HCN1: variants seen among roughly 807,000 people sequenced by gnomAD.
HCN1 encodes the protein hyperpolarization activated cyclic nucleotide gated potassium channel 1.
In HCN1, 13 loss-of-function variants were observed where a neutral mutation model predicts 78.9. That is an observed-to-expected ratio of 0.16 (90% CI 0.11 to 0.26). HCN1 has a LOEUF of 0.26. Ranked by LOEUF, HCN1 falls within the 10% of genes least tolerant of loss-of-function variation. The pLI, the probability that HCN1 is intolerant of heterozygous loss-of-function variation, is 1.00. For missense variants in HCN1, 810 were observed against 1,154.3 expected (o/e 0.70, Z 4.32); for synonymous variants, 552 against 455.5 (o/e 1.21, Z -2.70).
chr5:45,576,413 CA>C (rs1743946092), intron 2 of HCN1: 1 of 152,030 alleles, frequency 6.6e-6, no homozygotes, highest in Non-Finnish European at 1.5e-5. Context: ...TGTAAAATGC[CA>C]TGAAATAGCA....
rs972135282 is a variant in HCN1, at chr5:45,307,842, A to G, written c.1378-4003T>C. 2.0e-5 allele frequency among the ~76,000 whole-genome samples: 3 copies of G among 152,154 alleles called. No homozygotes were observed. The East Asian group carries it at 5.8e-4, about 29-fold the overall frequency. On this transcript the variant is annotated intron_variant, in intron 5 of 7. Coordinates refer to ENST00000303230, the MANE Select transcript of HCN1 (RefSeq NM_021072.4). ...TCAATATTGAGTCATAACTGTAGTT[A>G]TTACAAATGTAGCATACTAATGTAA...
intron 2 of HCN1, among the ~76,000 whole-genome samples, chr5:45,574,072 T>A (rs1035558901): frequency 6.6e-6 from 1 of 152,122 alleles, no homozygotes; most frequent in Non-Finnish European, 1.5e-5. Flanking sequence ...ATATGAATCA[T>A]AAAATTTTAT....
chr5:45,273,540 C>T (rs1174755003), intron 6 of HCN1, among the ~76,000 whole-genome samples: 1 of 152,078 alleles, frequency 6.6e-6, no homozygotes, highest in African/African-American at 2.4e-5. Context: ...CTTGACATTG[C>T]TGTGACACAG....
intron 6 of HCN1, among the ~76,000 whole-genome samples, chr5:45,280,964 C>A (rs1029231614): frequency 6.0e-5 from 9 of 151,246 alleles, no homozygotes; most frequent in Admixed American, 6.6e-5. Flanking sequence ...GTTTAATTAA[C>A]CAGGATAAAA....
At chr5:45,343,642 G>C (rs996627019) in intron 5 of HCN1, among the ~76,000 whole-genome samples, 1 of 152,062 alleles carries the variant, frequency 6.6e-6, no homozygotes, top group Non-Finnish European at 1.5e-5. Context: ...AATGATGGAA[G>C]AAAAATGACT....
chr5:45,566,312 C>A (rs1743705948), intron 2 of HCN1, among the ~76,000 whole-genome samples: 1 of 151,980 alleles, frequency 6.6e-6, no homozygotes, highest in African/African-American at 2.4e-5. Flanking sequence ...AAAATAATAT[C>A]ACTTTCTTGT....
At chr5:45,340,744 T>A (rs1297076635) in intron 5 of HCN1, among the ~76,000 whole-genome samples, 1 of 152,174 alleles carries the variant, frequency 6.6e-6, no homozygotes, top group Admixed American at 6.5e-5. Context: ...ATTTTCTTTA[T>A]CAAAATAAAC....
At chr5:45,637,825 G>A (rs570749945) in intron 2 of HCN1, among the ~76,000 whole-genome samples, 6 of 152,164 alleles carry the variant, frequency 3.9e-5, no homozygotes, top group African/African-American at 1.4e-4. Context: ...AGTTTGGCCA[G>A]AAACAAATTT....
At chr5:45,389,871 GAC>G (rs759149613) in intron 4 of HCN1, among the ~76,000 whole-genome samples, 1 of 152,224 alleles carries the variant, frequency 6.6e-6, no homozygotes, top group Non-Finnish European at 1.5e-5. Context: ...TTTTCTAAAA[GAC>G]AATTTTAATT....
At chr5:45,297,023 T>C (rs1453459700) in intron 6 of HCN1, among the ~76,000 whole-genome samples, 1 of 151,886 alleles carries the variant, frequency 6.6e-6, no homozygotes, top group South Asian at 2.1e-4. Context: ...CACAGAAATA[T>C]AGAGGTGTGA....
intron 2 of HCN1, among the ~76,000 whole-genome samples, chr5:45,587,065 A>T (rs1744245046): frequency 6.6e-6 from 1 of 152,202 alleles, no homozygotes; most frequent in Non-Finnish European, 1.5e-5. Flanking sequence ...GCTGGAGAGG[A>T]TGTGGAGAAC....
rs1580049005 is a variant in HCN1, at chr5:45,683,434, T to C, written c.425+12235A>G. ...TTATCTGTTGGTTCAATCAACTCTT[T>C]AATGTTCACAAAAAATAATTTAGGT... On this transcript the variant is annotated intron_variant, in intron 1 of 7. Coordinates refer to ENST00000303230, the MANE Select transcript of HCN1 (RefSeq NM_021072.4). Among the ~76,000 whole-genome samples the C allele has an allele frequency of 2.0e-5, 3 of 152,262 alleles. No homozygotes were observed. The South Asian group carries it at 6.2e-4, about 32-fold the overall frequency.
chr5:45,484,739 C>G (rs888607126), intron 2 of HCN1, among the ~76,000 whole-genome samples: 3 of 152,110 alleles, frequency 2.0e-5, no homozygotes, highest in Non-Finnish European at 2.9e-5. Flanking sequence ...AGTAGCTAAA[C>G]CTAATCCTAA....
intron 2 of HCN1, chr5:45,575,349 C>T (rs920121879): frequency 2.6e-5 from 4 of 152,020 alleles, no homozygotes; most frequent in African/African-American, 7.2e-5. Flanking sequence ...CCAAACACCA[C>T]ATGTTCTCAC....
chr5:45,308,763 C>A (rs1579798030), intron 5 of HCN1, among the ~76,000 whole-genome samples: 2 of 152,130 alleles, frequency 1.3e-5, no homozygotes, highest in East Asian at 3.9e-4. Flanking sequence ...GTTTTGGTTA[C>A]TGTAGCCCTG....
At chr5:45,362,222 T>C (rs1322633106) in intron 4 of HCN1, among the ~76,000 whole-genome samples, 2 of 151,550 alleles carry the variant, frequency 1.3e-5, no homozygotes, top group African/African-American at 2.4e-5. Flanking sequence ...TGGCCCTTAA[T>C]TGAACAAGAG....
intron 1 of HCN1, among the ~76,000 whole-genome samples, chr5:45,684,176 G>A (rs956609188): frequency 4.6e-5 from 7 of 152,088 alleles, no homozygotes; most frequent in Non-Finnish European, 7.4e-5. Flanking sequence ...TAAATGCATG[G>A]GTCAGAGGGT....
At chr5:45,657,335 T>C (rs559411627) in intron 1 of HCN1, among the ~76,000 whole-genome samples, 1 of 152,182 alleles carries the variant, frequency 6.6e-6, no homozygotes, top group Non-Finnish European at 1.5e-5. Flanking sequence ...ACAAGAAATG[T>C]TTTTGTCCTA....
chr5:45,330,629 GACAA>G (rs1208697498), intron 5 of HCN1, among the ~76,000 whole-genome samples: 18 of 150,698 alleles, frequency 1.2e-4, no homozygotes, highest in Non-Finnish European at 2.1e-4. Flanking sequence ...ATTTTTAATA[GACAA>G]ACAATAATGT....
Sources: gnomAD v4.1 joint callset for allele counts (sites outside exome capture counted in the v4.1 genomes callset) on GRCh38, gnomAD v4.1.1 for gene constraint, MANE v1.5 for transcripts, NCBI Gene and HGNC (gene_info 2026-07-23, HGNC 2026-07-21) for gene names.